Variants in SUGP2 observed in about 807,000 individuals in gnomAD.
SUGP2 encodes SURP and G-patch domain-containing protein 2.
Under a neutral mutation model 90.5 loss-of-function variants are expected in SUGP2, and 24 were observed. That is an observed-to-expected ratio of 0.27 (90% confidence interval 0.19 to 0.37). The LOEUF is 0.37. Ranked by LOEUF, SUGP2 falls within the 10% of genes least tolerant of loss-of-function variation. SUGP2 has a pLI of 1.00. For synonymous variants in SUGP2, 473 were observed against 513.4 expected (o/e 0.92, Z 1.06); for missense variants, 1,233 against 1,363.3 (o/e 0.90, Z 1.51).
At position 19,026,039 on chromosome 19, in the gene SUGP2, A is replaced by T; in HGVS notation, c.309T>A (p.Phe103Leu). 1 of 1,614,130 alleles carries T rather than the reference A, an allele frequency of 6.2e-7. No individual in the cohort carries two copies. The highest frequency in any genetic ancestry group is 8.5e-7 in the Non-Finnish European group (1 of 1,180,022). The change falls in exon 3 of 11, where the codon TTT (phenylalanine) becomes TTA (leucine). Residue 103 changes from phenylalanine to leucine, a missense_variant. This residue lies in a region of SUGP2 where 418 missense variants were observed against 399.9 expected (regional missense o/e 1.05). Coordinates refer to ENST00000452918, the MANE Select transcript of SUGP2 (RefSeq NM_001017392.5). ...SNPSISDDSY[F>L]RKECGRDLEF... ...CCAGATCCCGGCCACATTCTTTGCG[A>T]AAGTAGCTGTCATCACTGATGGAAG...
chr19:19,002,221 A>C (rs1163654345), intron 7 of SUGP2, among the ~76,000 whole-genome samples: 1 of 152,120 alleles, frequency 6.6e-6, no homozygotes, highest in Admixed American at 6.5e-5. Flanking sequence ...CTCTACTAAA[A>C]GTACAAAAAC....
chr19:19,027,525 C>T (rs2058981610), intron 2 of SUGP2, among the ~76,000 whole-genome samples: 1 of 152,190 alleles, frequency 6.6e-6, no homozygotes, highest in Non-Finnish European at 1.5e-5. Flanking sequence ...AAAAATATAT[C>T]AGATGCAAGT....
chr19:19,030,342 T>C (rs750808956), intron 2 of SUGP2, among the ~76,000 whole-genome samples: 2 of 151,694 alleles, frequency 1.3e-5, no homozygotes, highest in Non-Finnish European at 2.9e-5. Context: ...ATAGAAAAAT[T>C]AGCTGGGCGT....
At position 19,008,377 on chromosome 19, in the gene SUGP2, T is replaced by C. The variant is rs2058170524; in HGVS notation, c.2390A>G (p.Gln797Arg). ...GAATTGTTCGATCTCTGGTCCCACC[T>C]GAGCAACAAATCTAGCCAGTTTCTC... ...TAEKLARFVAQVGPEIEQFSI... is the reference protein window; with the variant it reads ...TAEKLARFVARVGPEIEQFSI... Residue 797 changes from glutamine to arginine, a missense_variant, in exon 6 of 11, where the codon CAG (glutamine) becomes CGG (arginine). Around this residue, in one of 8 missense-constraint regions of SUGP2, gnomAD observed 540 missense variants for 542.6 expected, o/e 1.00. Transcript: ENST00000452918. 2 of 1,614,104 alleles carry C rather than the reference T, an allele frequency of 1.2e-6. No individual in the cohort carries two copies. Among genetic ancestry groups the C allele is most frequent in the South Asian group, 1.1e-5 (1 of 91,092 alleles).
rs374030647 is a variant in SUGP2, at chr19:19,025,056, C to T, written c.1292G>A (p.Arg431Lys). ...ACTCTTCAGAAGCCGGTCTTGAAGT[C>T]TCATTATGTACTTGTCAAAAGGCTT... The part of the protein sequence containing the change: ...IIKPFDKYIM[R>K]LQDRLLKSVT... The change falls in exon 3 of 11, where the codon AGA becomes AAA. Residue 431 changes from arginine to lysine, a missense_variant. Arg to Lys is a conservative substitution (Grantham distance 26, BLOSUM62 2). Around this residue, in one of 8 missense-constraint regions of SUGP2, gnomAD observed 59 missense variants for 92.6 expected, o/e 0.64. Coordinates refer to ENST00000452918, the MANE Select transcript of SUGP2 (RefSeq NM_001017392.5). The T allele has an allele frequency of 3.1e-6, 5 of 1,614,076 alleles. No homozygotes were observed. Among genetic ancestry groups the T allele is most frequent in the Non-Finnish European group, 4.2e-6 (5 of 1,180,054 alleles).
chr19:19,005,670 AT>A (rs1312283306), intron 6 of SUGP2, among the ~76,000 whole-genome samples: 1 of 152,222 alleles, frequency 6.6e-6, no homozygotes, highest in South Asian at 2.1e-4. Context: ...GGACGGCTTT[AT>A]AATTATTATT....
intron 2 of SUGP2, among the ~76,000 whole-genome samples, chr19:19,029,967 A>G (rs1288785943): frequency 6.6e-6 from 1 of 151,654 alleles, no homozygotes. Flanking sequence ...AAGAACTAGT[A>G]GAGCTTAAAC....
At chr19:19,015,201 CAAAAAATA>C (rs912236103) in intron 4 of SUGP2, among the ~76,000 whole-genome samples, 1 of 84,886 alleles carries the variant, frequency 1.2e-5, no homozygotes, top group Non-Finnish European at 2.4e-5. Context: ...GACTCTGTCT[CAAAAAATA>C]AATAAATAAA....
intron 8 of SUGP2, among the ~76,000 whole-genome samples, chr19:18,996,256 C>T (rs1205917665): frequency 6.6e-6 from 1 of 152,120 alleles, no homozygotes; most frequent in East Asian, 1.9e-4. Flanking sequence ...ATTAGCCAGG[C>T]ATGGTGGCAG....
intron 4 of SUGP2, among the ~76,000 whole-genome samples, chr19:19,010,886 T>A (rs2058286109): frequency 6.6e-6 from 1 of 152,030 alleles, no homozygotes; most frequent in Non-Finnish European, 1.5e-5. Context: ...ACACCTGTAA[T>A]CCCAGCACTT....
intron 4 of SUGP2, 152 bp downstream of exon 4, chr19:19,018,957 C>G: frequency 1.1e-6 from 1 of 876,540 alleles, no homozygotes; most frequent in Non-Finnish European, 1.7e-6. Flanking sequence ...TTGCTGAACC[C>G]ACATAAATCT....
intron 1 of SUGP2, chr19:19,033,178 T>C: frequency 4.7e-6 from 1 of 214,598 alleles, no homozygotes; most frequent in Non-Finnish European, 8.5e-6. Flanking sequence ...TCGGGAGGAA[T>C]GAATGAACGA....
At position 18,994,228 on chromosome 19, in the gene SUGP2, C is replaced by T. The variant is rs190807094; in HGVS notation, c.*138G>A. 4 of 1,227,216 alleles carry T rather than the reference C, an allele frequency of 3.3e-6. No individual in the cohort carries two copies. In the African/African-American group the frequency reaches 6.0e-5, roughly 18 times the overall value. The allele number at this position is 1,227,216 out of a possible 1,614,324, so 76.0% of individuals were successfully genotyped here. A position where few individuals can be genotyped will look rare whatever the true frequency, so the allele number is the denominator to read the frequency against. On this transcript the variant is annotated intron_variant, in intron 10 of 10. Coordinates refer to ENST00000452918, the MANE Select transcript of SUGP2 (RefSeq NM_001017392.5). ...CACATCCATAGACCCTTTTGTTTCC[C>T]TCACAGAATTTTGTGATTTTTTTTG... is the stretch of plus-strand genomic sequence containing the variant.
chr19:19,018,304 C>T (rs1246738479), intron 4 of SUGP2, among the ~76,000 whole-genome samples: 2 of 151,976 alleles, frequency 1.3e-5, no homozygotes, highest in Non-Finnish European at 2.9e-5. Flanking sequence ...TGTACTCCAG[C>T]CTGGGTGACA....
intron 3 of SUGP2, among the ~76,000 whole-genome samples, chr19:19,021,981 T>TTTTTC (rs1416705028): frequency 6.6e-6 from 1 of 151,340 alleles, no homozygotes; most frequent in African/African-American, 2.4e-5. Context: ...AGCACTTCTT[T>TTTTTC]TTTTCTTTTT....
At chr19:19,008,977 T>A (rs1402183817) in intron 5 of SUGP2, among the ~76,000 whole-genome samples, 1 of 152,128 alleles carries the variant, frequency 6.6e-6, no homozygotes, top group Non-Finnish European at 1.5e-5. Flanking sequence ...AGTGGTGAGA[T>A]CTTGGCTCAA....
chr19:19,031,469 G>A (rs2059146749), intron 1 of SUGP2, among the ~76,000 whole-genome samples: 1 of 151,900 alleles, frequency 6.6e-6, no homozygotes, highest in Admixed American at 6.6e-5. Flanking sequence ...AGGAGGCGGA[G>A]GTTGCAGTGG....
chr19:19,008,864 A>G (rs962656536), intron 5 of SUGP2, among the ~76,000 whole-genome samples: 1 of 152,152 alleles, frequency 6.6e-6, no homozygotes, highest in African/African-American at 2.4e-5. Context: ...AGCTCAGCAG[A>G]TGACCCAGCC....
Position 19,001,688 on chromosome 19 carries a change from GAA to G in SUGP2, c.2930-16_2930-15del. 1 of 1,614,036 alleles carries G rather than the reference GAA, an allele frequency of 6.2e-7. No individual in the cohort carries two copies. ...CTGGTTCATGGACTAGAAGACAAAA[GAA>G]AGAGACACATACACATACATGTGCT... On this transcript the variant is annotated splice_polypyrimidine_tract_variant and intron_variant, in intron 7 of 10. Transcript: ENST00000452918.
Sources: allele counts gnomAD v4.1 joint callset (sites outside exome capture counted in the v4.1 genomes callset), GRCh38; gene constraint gnomAD v4.1.1; regional missense constraint gnomAD v4.1.1; transcripts MANE v1.5; gene names NCBI Gene and HGNC (gene_info 2026-07-23, HGNC 2026-07-21).